MICAL3: variants seen among roughly 807,000 people sequenced by gnomAD.
MICAL3 encodes microtubule associated monooxygenase, calponin and LIM domain containing 3.
MICAL3 carries 62 observed loss-of-function variants against 207.4 expected under a neutral mutation model. The observed-to-expected ratio is 0.30, with a 90% CI of 0.24 to 0.37. The LOEUF is 0.37. Among genes scored for constraint, MICAL3 ranks in the 10% least tolerant of loss-of-function variants. The pLI, the probability that MICAL3 is intolerant of heterozygous loss-of-function variation, is 1.00. For missense variants in MICAL3, 2,368 were observed against 2,635.6 expected (o/e 0.90, Z 2.22); for synonymous variants, 1,077 against 1,069.3 (o/e 1.01, Z -0.14).
chr22:17,931,019 C>T lies in MICAL3; in HGVS notation c.-74-24133G>A, dbSNP rs146623053. ...CCGGTGGCTCCACCTCCGCAACAGA[C>T]CGGGTTCCGGGCATCCCTGTGAGCT... On this transcript the variant is annotated intron_variant, in intron 1 of 31. Transcript: ENST00000441493. Among the ~76,000 whole-genome samples, 1,112 of 152,358 alleles carry T rather than the reference C, an allele frequency of 7.3e-3. 6 individuals carry two copies. Among genetic ancestry groups the T allele is most frequent in the Middle Eastern group, 0.041 (12 of 294 alleles).
chr22:17,849,637 G>A (rs1312052393), intron 19 of MICAL3, among the ~76,000 whole-genome samples: 1 of 143,106 alleles, frequency 7.0e-6, no homozygotes, highest in Admixed American at 7.1e-5. Context: ...GCCTGGCCCA[G>A]AATGGAATGT....
intron 1 of MICAL3, among the ~76,000 whole-genome samples, chr22:17,909,315 G>C (rs1048689532): frequency 6.6e-6 from 1 of 152,184 alleles, no homozygotes; most frequent in African/African-American, 2.4e-5. Context: ...CTTGAGGTCA[G>C]GAGTTCAAGA....
At chr22:17,853,780 G>A (rs927502129) in intron 19 of MICAL3, among the ~76,000 whole-genome samples, 1 of 152,190 alleles carries the variant, frequency 6.6e-6, no homozygotes, top group African/African-American at 2.4e-5. Flanking sequence ...TGAGGCTGGG[G>A]CCACCACCAA....
chr22:17,841,435 C>T lies in MICAL3; in HGVS notation c.2801+387G>A. 2.5e-6 allele frequency: 1 copy of T among 399,404 alleles called. No individual in the cohort carries two copies. The highest frequency in any genetic ancestry group is 3.9e-5 in the Admixed American group (1 of 25,632). 24.7% of individuals were successfully genotyped at this position (399,404 alleles called of 1,614,324 possible). ...GAAAAAAAGATGCCTGGGGGACGGA[C>T]TAGGCCTCCCTCAAGACGGCCCGGT... On this transcript the variant is annotated intron_variant, in intron 20 of 31. Coordinates refer to ENST00000441493, the MANE Select transcript of MICAL3 (RefSeq NM_015241.3). This position sits in a 1 kb window ranked among gnomAD's most constrained non-coding sequence, Gnocchi z 4.2.
At position 17,872,000 on chromosome 22, in the gene MICAL3, C is replaced by A; in HGVS notation, c.2265G>T (p.Pro755=). 6.2e-7 allele frequency: 1 copy of A among 1,606,534 alleles called. No homozygotes were observed. Among genetic ancestry groups the A allele is most frequent in the Non-Finnish European group, 8.5e-7 (1 of 1,176,886 alleles). ...RRQGSMKKEF[P]QNLGGSDTCY... is the part of the protein sequence containing the mutation. ...ATGTGTCGCTGCCTCCCAGGTTCTG[C>A]GGGAACTCCTTCTTCATGGAGCCCT... Residue 755 remains proline, a synonymous_variant, in exon 17 of 32, where the codon CCG becomes CCT. Transcript: ENST00000441493.
chr22:17,876,063 T>C (rs1467160482), intron 16 of MICAL3, among the ~76,000 whole-genome samples: 1 of 152,156 alleles, frequency 6.6e-6, no homozygotes. Flanking sequence ...GAATGCAGCA[T>C]CTCTTCCTTC....
chr22:17,956,426 C>CA (rs1173112089), intron 1 of MICAL3, among the ~76,000 whole-genome samples: 1 of 152,194 alleles, frequency 6.6e-6, no homozygotes, highest in Non-Finnish European at 1.5e-5. Context: ...ATAATCCCCG[C>CA]ACTTTGGGAG....
rs555800332 is a variant in MICAL3 at position 17,818,990 on chromosome 22, C to T, written c.3671G>A (p.Arg1224Gln). The T allele has an allele frequency of 5.0e-6, 8 of 1,608,790 alleles. No homozygotes were observed. The highest frequency in any genetic ancestry group is 3.4e-5 in the Admixed American group (2 of 59,344). Reference protein sequence around the residue: ...SDLKAVHSPIRSQPVTLPEAR... With the variant: ...SDLKAVHSPIQSQPVTLPEAR... ...TTCTGGCAGGGTCACTGGCTGTGAT[C>T]GGATGGGAGAGTGCACAGCTTTCAG... is the stretch of plus-strand genomic sequence containing the variant. The change falls in exon 26 of 32, where the codon CGA becomes CAA. Residue 1224 changes from arginine to glutamine, a missense_variant. By Grantham distance (43) the Arg-to-Gln change is conservative. Around this residue, in one of 4 missense-constraint regions of MICAL3, gnomAD observed 1,770 missense variants for 1,863.2 expected, o/e 0.95. Transcript: ENST00000441493.
At position 17,877,369 on chromosome 22, in the gene MICAL3, G is replaced by GGGAGATTAT. The variant is rs1928819180; in HGVS notation, c.2242-5347_2242-5346insATAATCTCC. Reference sequence around the variant, plus strand: ...GAGGTTAGGGAGGTTATGGAGGTTAGGGAGGTGAGGGAGGTTATGGAGGTT... The same window carrying GGGAGATTAT: ...GAGGTTAGGGAGGTTATGGAGGTTAGGGAGATTATGGAGGTGAGGGAGGTTATGGAGGTT... On this transcript the variant is annotated intron_variant, in intron 16 of 31. Transcript: ENST00000441493. 6.0e-4 allele frequency among the ~76,000 whole-genome samples: 13 copies of GGGAGATTAT among 21,532 alleles called. 1 individual carries two copies. The highest frequency in any genetic ancestry group is 7.4e-4 in the Non-Finnish European group (8 of 10,780). 14.1% of individuals were successfully genotyped at this position (21,532 alleles called of 152,430 possible).
At chr22:17,915,502 C>T (rs1465963605) in intron 1 of MICAL3, among the ~76,000 whole-genome samples, 10 of 152,240 alleles carry the variant, frequency 6.6e-5, no homozygotes, top group South Asian at 2.1e-4. Context: ...CGGGTCAGGT[C>T]GCTTCCTCCC....
chr22:17,870,390 T>G (rs952797652), intron 17 of MICAL3, among the ~76,000 whole-genome samples: 6 of 152,182 alleles, frequency 3.9e-5, no homozygotes, highest in Non-Finnish European at 8.8e-5. Flanking sequence ...ACCGAGCCTT[T>G]CGCTGCACAC....
chr22:17,809,589 C>A (rs2062022088), intron 28 of MICAL3, among the ~76,000 whole-genome samples: 1 of 152,234 alleles, frequency 6.6e-6, no homozygotes, highest in Non-Finnish European at 1.5e-5. Flanking sequence ...AGCTCAGCGC[C>A]ACTGCGCGTC....
intron 24 of MICAL3, 71 bp downstream of exon 24, chr22:17,821,959 A>G: frequency 1.9e-6 from 3 of 1,568,894 alleles, no homozygotes; most frequent in Non-Finnish European, 2.6e-6. Context: ...CTGGCCCCTG[A>G]GCCACTCTTG....
intron 8 of MICAL3, 96 bp downstream of exon 8, chr22:17,896,628 A>C: frequency 7.6e-7 from 1 of 1,309,154 alleles, no homozygotes; most frequent in Non-Finnish European, 1.1e-6. Context: ...TGTGCTGTAC[A>C]ACACTGCAGA....
chr22:17,939,740 C>T (rs1466317680), intron 1 of MICAL3, among the ~76,000 whole-genome samples: 4 of 152,200 alleles, frequency 2.6e-5, no homozygotes, highest in Non-Finnish European at 5.9e-5. Context: ...GGAAACCAGG[C>T]TCCTATCTTC....
In MICAL3 at chr22:17,809,077, T is replaced by C. The variant is rs994795134; in HGVS notation, c.5557-140A>G. On this transcript the variant is annotated intron_variant, in intron 28 of 31. Coordinates refer to ENST00000441493, the MANE Select transcript of MICAL3 (RefSeq NM_015241.3). ...TAGTCTGTGGGCGGTGCGCTCAGGG[T>C]GTGGCGTGGAGACCACCTGCACCAG... 5.7e-5 allele frequency: 40 copies of C among 700,792 alleles called. No homozygotes were observed. The South Asian group carries it at 7.5e-4, about 13-fold the overall frequency. 43.4% of individuals were successfully genotyped at this position (700,792 alleles called of 1,614,324 possible). A position where few individuals can be genotyped will look rare whatever the true frequency, so the allele number is the denominator to read the frequency against.
At chr22:17,932,781 C>T (rs1446521001) in intron 1 of MICAL3, among the ~76,000 whole-genome samples, 1 of 151,952 alleles carries the variant, frequency 6.6e-6, no homozygotes, top group Non-Finnish European at 1.5e-5. Context: ...GGAAGATCTA[C>T]CAAGCAAATG....
At chr22:17,809,672 T>C (rs564847883) in intron 28 of MICAL3, among the ~76,000 whole-genome samples, 2 of 152,224 alleles carry the variant, frequency 1.3e-5, no homozygotes, top group South Asian at 2.1e-4. Context: ...TCTACAGTGG[T>C]CTAGATTCAG....
At chr22:17,957,724 A>AG (rs1348215222) in intron 1 of MICAL3, among the ~76,000 whole-genome samples, 3 of 144,068 alleles carry the variant, frequency 2.1e-5, no homozygotes, top group Admixed American at 1.4e-4. Context: ...AAAAAAAAAA[A>AG]AAAGAGAGAG....
Sources: allele counts gnomAD v4.1 joint callset (sites outside exome capture counted in the v4.1 genomes callset), GRCh38; gene constraint gnomAD v4.1.1; regional missense constraint gnomAD v4.1.1; non-coding constraint Gnocchi (gnomAD v3.1); transcripts MANE v1.5; gene names NCBI Gene and HGNC (gene_info 2026-07-23, HGNC 2026-07-21).